FHIT: variants seen among roughly 807,000 people sequenced by gnomAD.
FHIT encodes the protein fragile histidine triad diadenosine triphosphatase, also known as bis(5'-adenosyl)-triphosphatase.
Under a neutral mutation model 17.9 loss-of-function variants are expected in FHIT, and 19 were observed. The ratio of observed to expected loss-of-function variants is 1.06; its 90% CI spans 0.74 to 1.56. FHIT has a LOEUF of 1.56. Ranked by LOEUF, FHIT falls within the 40% of genes most tolerant of loss-of-function variation. The probability of loss-of-function intolerance (pLI) is 0.00; values close to 1 mark genes in which losing one functional copy is unlikely to be tolerated. For synonymous variants in FHIT, 81 were observed against 69.7 expected, an observed-to-expected ratio of 1.16 and a Z score of -0.81; for missense variants, 248 against 189.2, an observed-to-expected ratio of 1.31 and a Z score of -1.82.
intron 4 of FHIT, among the ~76,000 whole-genome samples, chr3:60,743,328 G>A (rs1489617678): frequency 2.0e-5 from 3 of 152,120 alleles, no homozygotes; most frequent in African/African-American, 7.2e-5. Context: ...TAATATCAAG[G>A]GAATGACAGC....
chr3:60,733,053 T>G (rs1300219444), intron 4 of FHIT, among the ~76,000 whole-genome samples: 1 of 152,208 alleles, frequency 6.6e-6, no homozygotes, highest in Admixed American at 6.5e-5. Flanking sequence ...CAAAGACTTC[T>G]GAAAATGTAT....
chr3:60,456,377 T>G (rs183926883), intron 5 of FHIT, among the ~76,000 whole-genome samples: 1 of 152,314 alleles, frequency 6.6e-6, no homozygotes, highest in African/African-American at 2.4e-5. Flanking sequence ...CAAACCAGAA[T>G]TGAATTGTTA....
In FHIT at chr3:60,014,933, G is replaced by C. The variant is rs79485950; in HGVS notation, c.104-781C>G. On this transcript the variant is annotated intron_variant, in intron 5 of 9. Coordinates refer to ENST00000492590, the MANE Select transcript of FHIT (RefSeq NM_002012.4). ...ATCTGAGAAAAAAGGATAGAAATTTGATTACTTCTTGATAGGAAATTAATA... is the reference window on the plus strand; with the variant it reads ...ATCTGAGAAAAAAGGATAGAAATTTCATTACTTCTTGATAGGAAATTAATA... Among the ~76,000 whole-genome samples the C allele has an allele frequency of 9.1e-3, 1,388 of 152,136 alleles. 29 individuals are homozygous for C. The highest frequency in any genetic ancestry group is 0.032 in the African/African-American group (1,320 of 41,466).
intron 2 of FHIT, among the ~76,000 whole-genome samples, chr3:61,184,146 T>C (rs894043109): frequency 6.6e-6 from 1 of 152,088 alleles, no homozygotes; most frequent in Non-Finnish European, 1.5e-5. Flanking sequence ...ACCCAGGAGA[T>C]AGTAAACTAC....
At chr3:60,805,597 C>T (rs1197163105) in intron 4 of FHIT, among the ~76,000 whole-genome samples, 3 of 151,692 alleles carry the variant, frequency 2.0e-5, no homozygotes, top group Admixed American at 1.3e-4. Context: ...GCTCTGTCAC[C>T]CAGGCTGGAG....
At chr3:60,658,007 C>T (rs2040156967) in intron 4 of FHIT, among the ~76,000 whole-genome samples, 1 of 152,084 alleles carries the variant, frequency 6.6e-6, no homozygotes, top group African/African-American at 2.4e-5. Flanking sequence ...TAAGTACATT[C>T]ATATTGTTAC....
chr3:61,057,513 A>G (rs1158606127), intron 2 of FHIT, among the ~76,000 whole-genome samples: 2 of 152,192 alleles, frequency 1.3e-5, no homozygotes. Context: ...AGGGAGATGA[A>G]TATCTTTGGT....
At chr3:60,031,132 G>C (rs1252860283) in intron 5 of FHIT, among the ~76,000 whole-genome samples, 1 of 152,208 alleles carries the variant, frequency 6.6e-6, no homozygotes, top group African/African-American at 2.4e-5. Flanking sequence ...CTCAAGAAGA[G>C]TCAACAGAGA....
intron 5 of FHIT, among the ~76,000 whole-genome samples, chr3:60,332,546 G>GGAAT (rs2106860066): frequency 6.6e-6 from 1 of 152,298 alleles, no homozygotes; most frequent in East Asian, 1.9e-4. Flanking sequence ...GTGGGATCTA[G>GGAAT]GAATGGGTGT....
At chr3:59,871,654 G>T (rs1401897604) in intron 8 of FHIT, among the ~76,000 whole-genome samples, 7 of 152,330 alleles carry the variant, frequency 4.6e-5, no homozygotes, top group Admixed American at 3.9e-4. Flanking sequence ...CTTGGAGGCT[G>T]TGTCTGGGTT....
At chr3:60,123,160 G>C (rs1278867605) in intron 5 of FHIT, among the ~76,000 whole-genome samples, 1 of 152,108 alleles carries the variant, frequency 6.6e-6, no homozygotes, top group Non-Finnish European at 1.5e-5. Context: ...ATAAAAAGAA[G>C]CTATTAATAT....
At chr3:60,919,509 T>G (rs1311347768) in intron 3 of FHIT, among the ~76,000 whole-genome samples, 1 of 152,056 alleles carries the variant, frequency 6.6e-6, no homozygotes, top group Non-Finnish European at 1.5e-5. Flanking sequence ...GAAAGTGTAT[T>G]CATGGTGTGG....
At chr3:61,057,465 A>G (rs2034265286) in intron 2 of FHIT, among the ~76,000 whole-genome samples, 1 of 152,156 alleles carries the variant, frequency 6.6e-6, no homozygotes. Flanking sequence ...ATAGCTCTGG[A>G]TGGTTTCCAA....
intron 3 of FHIT, among the ~76,000 whole-genome samples, chr3:60,844,505 T>C (rs1238720274): frequency 6.6e-6 from 1 of 152,062 alleles, no homozygotes; most frequent in African/African-American, 2.4e-5. Flanking sequence ...ACATTTTCTA[T>C]TTTTTTAAAA....
chr3:60,856,480 C>G (rs1251740401), intron 3 of FHIT: 3 of 152,094 alleles, frequency 2.0e-5, no homozygotes, highest in Non-Finnish European at 4.4e-5. Flanking sequence ...TGAAGCAACA[C>G]CAAGAACGAG....
rs1703057178 is a variant in FHIT, at chr3:60,849,454, A to AT, written c.-110-27444dup. Among the ~76,000 whole-genome samples the AT allele has an allele frequency of 4.7e-5, 7 of 147,548 alleles. No individual in the cohort carries two copies. The South Asian group carries it at 1.5e-3, about 31-fold the overall frequency. Reference sequence around the variant, plus strand: ...ATACAAAAATGAAATATATATATATATATATATATAAAATTATTATGATTT... The same window carrying AT: ...ATACAAAAATGAAATATATATATATATTATATATATAAAATTATTATGATTT... On this transcript the variant is annotated intron_variant, in intron 3 of 9. Transcript: ENST00000492590.
At chr3:60,549,766 AG>A (rs750054993) in intron 4 of FHIT, among the ~76,000 whole-genome samples, 9 of 152,256 alleles carry the variant, frequency 5.9e-5, no homozygotes, top group Non-Finnish European at 1.0e-4. Flanking sequence ...CCAGGAAGTC[AG>A]ACACAATGAA....
chr3:60,457,367 C>T (rs142715677), intron 5 of FHIT, among the ~76,000 whole-genome samples: 2,004 of 152,004 alleles, frequency 0.013, 39 homozygotes, highest in African/African-American at 0.038. Context: ...CTGGGAAAAC[C>T]GGCTAGCCAT....
intron 4 of FHIT, among the ~76,000 whole-genome samples, chr3:60,638,381 T>C (rs553838410): frequency 1.2e-4 from 19 of 152,298 alleles, no homozygotes; most frequent in South Asian, 4.1e-4. Context: ...TAAAGCTTAA[T>C]TGGAAACTTG....
Sources: allele counts gnomAD v4.1 joint callset (sites outside exome capture counted in the v4.1 genomes callset), GRCh38; gene constraint gnomAD v4.1.1; transcripts MANE v1.5; gene names NCBI Gene and HGNC (gene_info 2026-07-23, HGNC 2026-07-21).